The following KCNT1 variants were observed in gnomAD, a reference collection of about 807,000 sequenced individuals.
KCNT1 encodes the protein potassium sodium-activated channel subfamily T member 1.
KCNT1 carries 78 observed loss-of-function variants against 147.8 expected under a neutral mutation model. The ratio of observed to expected loss-of-function variants is 0.53; its 90% CI spans 0.44 to 0.64. The LOEUF is 0.64. KCNT1 is among the 30% of genes least tolerant of loss of function. KCNT1 has a pLI of 0.00. For missense variants in KCNT1, 1,419 were observed against 1,750.3 expected (o/e 0.81, Z 3.38); for synonymous variants, 867 against 748.8 (o/e 1.16, Z -2.58).
intron 2 of KCNT1, among the ~76,000 whole-genome samples, chr9:135,725,904 C>A (rs1472835804): frequency 1.3e-5 from 2 of 152,130 alleles, no homozygotes; most frequent in African/African-American, 2.4e-5. Flanking sequence ...CCTGGGAGCC[C>A]AGGTCTGGCA....
At chr9:135,734,255 C>T (rs1483402286) in intron 2 of KCNT1, among the ~76,000 whole-genome samples, 2 of 152,212 alleles carry the variant, frequency 1.3e-5, no homozygotes, top group Admixed American at 1.3e-4. Context: ...TCAAGGCTCA[C>T]GTGGCTCTGT....
chr9:135,751,655 G>T (rs893952107), intron 4 of KCNT1, among the ~76,000 whole-genome samples: 1 of 152,174 alleles, frequency 6.6e-6, no homozygotes, highest in Non-Finnish European at 1.5e-5. Context: ...GAGAAGTGGC[G>T]GCTGCTGGGA....
At position 135,730,340 on chromosome 9, in the gene KCNT1, C is replaced by T. The variant is rs1365187395; in HGVS notation, c.254+15620C>T. On this transcript the variant is annotated intron_variant, in intron 2 of 30. Transcript: ENST00000371757. The surrounding 1 kb of genome is among the most constrained non-coding windows in gnomAD (Gnocchi z 4.7). ...TGTCCATGTCCTGATCCCAGAAACC[C>T]ATGACTATGTAACCATGCGTGGCGA... Among the ~76,000 whole-genome samples, 1 of 152,158 alleles carries T rather than the reference C, an allele frequency of 6.6e-6. No individual in the cohort carries two copies. Among genetic ancestry groups the T allele is most frequent in the Non-Finnish European group, 1.5e-5 (1 of 68,030 alleles).
At chr9:135,738,119 C>T (rs1247567334) in intron 2 of KCNT1, among the ~76,000 whole-genome samples, 1 of 152,200 alleles carries the variant, frequency 6.6e-6, no homozygotes, top group Non-Finnish European at 1.5e-5. Context: ...GCCCAGGCTG[C>T]GTCTGAGCCC....
chr9:135,778,520 G>A (rs983662328), intron 22 of KCNT1, 25 bp downstream of exon 22: 38 of 1,597,914 alleles, frequency 2.4e-5, no homozygotes, highest in African/African-American at 2.7e-5. Context: ...GCCGAGGCTC[G>A]TGGGGGCTCC....
rs747685419 is a variant in KCNT1, at chr9:135,759,775, C to T, written c.951C>T (p.Tyr317=). The change falls in exon 11 of 31, where the codon TAC becomes TAT. Residue 317 remains tyrosine (Y), a synonymous_variant. Coordinates refer to ENST00000371757, the MANE Select transcript of KCNT1 (RefSeq NM_020822.3). ...FCIVTFSTVG[Y]GDVTPKIWPS... ...TCGTCACCTTCTCCACCGTGGGCTA[C>T]GGTGACGTCACGCCCAAGATCTGGC... The T allele has an allele frequency of 5.5e-5, 89 of 1,613,462 alleles. No individual in the cohort carries two copies. The highest frequency in any genetic ancestry group is 6.7e-5 in the Non-Finnish European group (79 of 1,179,868).
Position 135,786,458 on chromosome 9 carries a change from C to T in KCNT1, c.3439C>T (p.Gln1147Ter). ...CAGCCTGTACCGGCGCTCTGAGCGC[C>T]AGGAGCTCTCCGAGCTGGTGAAGAA... ...RLSLYRRSER[Q>*]ELSELVKNRM... The change falls in exon 29 of 31, where the codon CAG becomes TAG. Residue 1147 changes from glutamine (Q) to a stop codon, truncating the protein, a stop_gained. Coordinates refer to ENST00000371757, the MANE Select transcript of KCNT1 (RefSeq NM_020822.3). LOFTEE classifies it high-confidence loss of function. 6.2e-7 allele frequency: 1 copy of T among 1,601,666 alleles called. No homozygotes were observed. The highest frequency in any genetic ancestry group is 8.5e-7 in the Non-Finnish European group (1 of 1,175,482).
intron 29 of KCNT1, chr9:135,791,292 AGT>A: frequency 6.1e-6 from 1 of 164,210 alleles, no homozygotes. Context: ...TATATGAGTG[AGT>A]GTGCAGGGGT....
chr9:135,785,528 G>T (rs1361853001), intron 28 of KCNT1, 198 bp downstream of exon 28: 2 of 707,280 alleles, frequency 2.8e-6, no homozygotes, highest in Admixed American at 4.3e-5. Flanking sequence ...CTCCTGCACT[G>T]GTGGTGGGGA....
rs776002068 is a variant in KCNT1, at chr9:135,750,957, T to TGTTCAAC, written c.351_357dup (p.Phe120ValfsTer21). ...CTCCCCGCAGGCCTGAGGATCCGGC[T>TGTTCAAC]GTTCAACTTCTCCCTGAAGCTGCTC... On this transcript the variant is annotated frameshift_variant, in exon 4 of 31. Transcript: ENST00000371757. LOFTEE classifies it high-confidence loss of function. 6.2e-7 allele frequency: 1 copy of TGTTCAAC among 1,613,178 alleles called. No individual in the cohort carries two copies. Among genetic ancestry groups the TGTTCAAC allele is most frequent in the Admixed American group, 1.7e-5 (1 of 60,016 alleles).
At chr9:135,747,647 G>A (rs1830909221) in intron 2 of KCNT1, among the ~76,000 whole-genome samples, 1 of 152,170 alleles carries the variant, frequency 6.6e-6, no homozygotes, top group South Asian at 2.1e-4. Flanking sequence ...ACAGAGGAGA[G>A]GCGTGGGGCA....
At chr9:135,702,466 T>G in intron 1 of KCNT1, 98 bp downstream of exon 1, 1 of 990,270 alleles carries the variant, frequency 1.0e-6, no homozygotes, top group Non-Finnish European at 1.6e-6. Context: ...GGACCCGCCA[T>G]TCCCAGGGCC....
intron 1 of KCNT1, among the ~76,000 whole-genome samples, chr9:135,705,487 G>A (rs1564307913): frequency 6.6e-6 from 1 of 152,244 alleles, no homozygotes; most frequent in Non-Finnish European, 1.5e-5. Context: ...AGAGCTGGAG[G>A]AGGATGTGTG....
chr9:135,776,525 CCAAAGTGCTGGGGTTACAGGCGTGAGCCA>C (rs772207755), intron 20 of KCNT1, among the ~76,000 whole-genome samples: 14 of 152,208 alleles, frequency 9.2e-5, no homozygotes, highest in Non-Finnish European at 1.8e-4. Flanking sequence ...CCTCGGCCTC[CCAAAGTGCTGGGGTTACAGGCGTGAGCCA>C]CCATGCCTGC....
intron 3 of KCNT1, 42 bp from the exon 4 acceptor site, chr9:135,750,900 C>T: frequency 6.3e-7 from 1 of 1,587,650 alleles, no homozygotes; most frequent in Non-Finnish European, 8.6e-7. Context: ...CCCCGAAGCC[C>T]AGAGCTGGGT....
At chr9:135,755,439 CCAG>C (rs1831421743) in intron 6 of KCNT1, among the ~76,000 whole-genome samples, 1 of 149,156 alleles carries the variant, frequency 6.7e-6, no homozygotes, top group South Asian at 2.1e-4. Context: ...GAGGACAAAC[CCAG>C]CATTTACTGA....
At position 135,792,443 on chromosome 9, in the gene KCNT1, C is replaced by T. The variant is rs1487707997; in HGVS notation, c.*282C>T. The T allele has an allele frequency of 9.6e-6, 3 of 311,882 alleles. No homozygotes were observed. The South Asian group carries it at 1.0e-4, about 10-fold the overall frequency. The allele number at this position is 311,882 out of a possible 1,614,324, so 19.3% of individuals were successfully genotyped here. On this transcript the variant is annotated 3_prime_UTR_variant, in exon 31 of 31. Coordinates refer to ENST00000371757, the MANE Select transcript of KCNT1 (RefSeq NM_020822.3). ...GATGTACCGCAACTCGTGACCAGGGCTGGCTGGGAGGGCAACGCAGGGACT... is the reference window on the plus strand; with the variant it reads ...GATGTACCGCAACTCGTGACCAGGGTTGGCTGGGAGGGCAACGCAGGGACT...
At chr9:135,770,541 G>C (rs1486306353) in intron 17 of KCNT1, 94 bp downstream of exon 17, 1 of 1,476,016 alleles carries the variant, frequency 6.8e-7, no homozygotes, top group Non-Finnish European at 9.1e-7. Context: ...GGTGGCCCTG[G>C]GGCGGGGCTG....
chr9:135,742,848 G>T, intron 2 of KCNT1: 1 of 716,830 alleles, frequency 1.4e-6, no homozygotes, highest in Non-Finnish European at 2.6e-6. Flanking sequence ...TGTCTTGGTG[G>T]CAGACAAGGG....
Sources: gnomAD v4.1 joint callset for allele counts (sites outside exome capture counted in the v4.1 genomes callset) on GRCh38, gnomAD v4.1.1 for gene constraint, Gnocchi (gnomAD v3.1) non-coding constraint, MANE v1.5 for transcripts, NCBI Gene and HGNC (gene_info 2026-07-23, HGNC 2026-07-21) for gene names.